Variants in BICC1 observed in about 807,000 individuals in gnomAD.
BICC1 encodes the protein protein bicaudal C homolog 1.
In BICC1, 43 loss-of-function variants were observed where a neutral mutation model predicts 111.0. The observed-to-expected ratio is 0.39, with a 90% CI of 0.30 to 0.50. The LOEUF is 0.50. Ranked by LOEUF, BICC1 falls within the 20% of genes least tolerant of loss-of-function variation. BICC1 has a pLI of 0.88. For missense variants in BICC1, 1,091 were observed against 1,203.2 expected (o/e 0.91, Z 1.38); for synonymous variants, 467 against 434.4 (o/e 1.07, Z -0.93).
At chr10:58,522,357 C>G (rs990125209) in intron 1 of BICC1, among the ~76,000 whole-genome samples, 4 of 152,132 alleles carry the variant, frequency 2.6e-5, no homozygotes, top group Non-Finnish European at 5.9e-5. Context: ...CAAACTGTCT[C>G]TCAGACCACA....
intron 2 of BICC1, among the ~76,000 whole-genome samples, chr10:58,643,110 A>G (rs1241184247): frequency 1.3e-5 from 2 of 152,144 alleles, no homozygotes; most frequent in African/African-American, 2.4e-5. Flanking sequence ...AAAATCTTGT[A>G]TTTTTTGGCT....
rs182962635 is a variant in BICC1, at chr10:58,791,681, G to A, written c.1047+1748G>A. Among the ~76,000 whole-genome samples, 438 of 152,110 alleles carry A rather than the reference G, an allele frequency of 2.9e-3. 2 individuals are homozygous for A. Among genetic ancestry groups the A allele is most frequent in the African/African-American group, 9.6e-3 (400 of 41,492 alleles). ...CTCAAACCGCGGAGGTGGAGGTTGC[G>A]GTGAGCCGAGATCGCGCCACTGCAC... On this transcript the variant is annotated intron_variant, in intron 8 of 20. Transcript: ENST00000373886.
At chr10:58,821,104 T>C (rs974416256) in intron 20 of BICC1, among the ~76,000 whole-genome samples, 19 of 152,136 alleles carry the variant, frequency 1.2e-4, no homozygotes, top group African/African-American at 4.1e-4. Flanking sequence ...GTGCCACTCA[T>C]TTGAAAGGAA....
Position 58,566,849 on chromosome 10 carries a change from T to G in BICC1, c.190+53516T>G, listed in dbSNP as rs117330845. Among the ~76,000 whole-genome samples the G allele has an allele frequency of 8.4e-3, 1,278 of 152,264 alleles. 5 individuals carry two copies. Among genetic ancestry groups the G allele is most frequent in the Middle Eastern group, 0.024 (7 of 294 alleles). ...TTGGAATGTGTGTGCATTCTTCTGT[T>G]ATTCACGATTTCAGCAAGCTTGCTT... is the stretch of plus-strand genomic sequence containing the variant. On this transcript the variant is annotated intron_variant, in intron 1 of 20. Transcript: ENST00000373886.
intron 2 of BICC1, among the ~76,000 whole-genome samples, chr10:58,668,725 A>G (rs1839092927): frequency 6.6e-6 from 1 of 152,054 alleles, no homozygotes; most frequent in African/African-American, 2.4e-5. Flanking sequence ...TTGCAAAGCC[A>G]GATTATTTTT....
intron 3 of BICC1, among the ~76,000 whole-genome samples, chr10:58,742,318 C>T (rs1403213337): frequency 1.3e-5 from 2 of 151,310 alleles, no homozygotes; most frequent in Non-Finnish European, 1.5e-5. Context: ...GCTCTTACGG[C>T]ATATTTTAAG....
intron 3 of BICC1, among the ~76,000 whole-genome samples, chr10:58,751,085 C>T (rs1242372012): frequency 6.6e-6 from 1 of 152,058 alleles, no homozygotes; most frequent in African/African-American, 2.4e-5. Context: ...ATGCACACAC[C>T]CAAATCAATA....
In BICC1 at chr10:58,589,749, A is replaced by G. The variant is rs911886777; in HGVS notation, c.191-31106A>G. Among the ~76,000 whole-genome samples, 5 of 152,138 alleles carry G rather than the reference A, an allele frequency of 3.3e-5. No individual in the cohort carries two copies. In the South Asian group the frequency reaches 6.2e-4, roughly 19 times the overall value. On this transcript the variant is annotated intron_variant, in intron 1 of 20. Coordinates refer to ENST00000373886, the MANE Select transcript of BICC1 (RefSeq NM_001080512.3). ...CCTCGGCTCCCAAAACAATAGGATT[A>G]CAGGCATGAGCCACTGTGCCCAGCC...
intron 14 of BICC1, 144 bp from the exon 15 acceptor site, chr10:58,802,933 A>G: frequency 1.3e-6 from 1 of 756,320 alleles, no homozygotes; most frequent in Non-Finnish European, 1.9e-6. Context: ...TACCTGTGTC[A>G]TAGCATTGTT....
chr10:58,571,650 C>A (rs1843955440), intron 1 of BICC1, among the ~76,000 whole-genome samples: 1 of 152,168 alleles, frequency 6.6e-6, no homozygotes, highest in East Asian at 1.9e-4. Context: ...CCATCCATGT[C>A]CTTGCAAAAG....
At chr10:58,625,996 T>C (rs981660629) in intron 2 of BICC1, among the ~76,000 whole-genome samples, 1 of 152,248 alleles carries the variant, frequency 6.6e-6, no homozygotes, top group Admixed American at 6.5e-5. Flanking sequence ...TTTCTAATAC[T>C]GAGTCTGTGC....
chr10:58,801,660 C>T (rs1229087227), intron 14 of BICC1, among the ~76,000 whole-genome samples: 12 of 151,918 alleles, frequency 7.9e-5, no homozygotes, highest in African/African-American at 1.9e-4. Context: ...CCACCTATTC[C>T]GTCCACCTGA....
At chr10:58,671,709 C>T (rs1177366438) in intron 2 of BICC1, among the ~76,000 whole-genome samples, 1 of 152,120 alleles carries the variant, frequency 6.6e-6, no homozygotes, top group African/African-American at 2.4e-5. Context: ...AGAATTGATA[C>T]TTCTTGAAAG....
chr10:58,585,760 C>A (rs965877450), intron 1 of BICC1, among the ~76,000 whole-genome samples: 2 of 152,060 alleles, frequency 1.3e-5, no homozygotes, highest in African/African-American at 4.8e-5. Flanking sequence ...GGTATAATTT[C>A]TTAATAATTA....
intron 10 of BICC1, among the ~76,000 whole-genome samples, chr10:58,796,878 G>T (rs1843371592): frequency 6.6e-6 from 1 of 151,018 alleles, no homozygotes; most frequent in African/African-American, 2.4e-5. Flanking sequence ...TCAGTCCCTA[G>T]AGATAAAGAT....
At chr10:58,629,351 T>C (rs1435716024) in intron 2 of BICC1, among the ~76,000 whole-genome samples, 1 of 152,088 alleles carries the variant, frequency 6.6e-6, no homozygotes, top group Non-Finnish European at 1.5e-5. Flanking sequence ...AGGTTGTTGG[T>C]GGCAGCCAGA....
chr10:58,708,412 G>A (rs1188252082), intron 3 of BICC1, among the ~76,000 whole-genome samples: 1 of 152,200 alleles, frequency 6.6e-6, no homozygotes, highest in East Asian at 1.9e-4. Context: ...AATTCCTGAG[G>A]TTCGTTGTCT....
At chr10:58,617,673 AC>A (rs554079982) in intron 1 of BICC1, among the ~76,000 whole-genome samples, 57 of 152,378 alleles carry the variant, frequency 3.7e-4, no homozygotes, top group Admixed American at 7.2e-4. Context: ...AGGTGGTGAC[AC>A]CTACGGTAAT....
chr10:58,657,400 A>C (rs1838693797), intron 2 of BICC1, among the ~76,000 whole-genome samples: 1 of 152,072 alleles, frequency 6.6e-6, no homozygotes, highest in Admixed American at 6.6e-5. Context: ...GTTCCTGAGG[A>C]ACGTGCACTA....
Sources: gnomAD v4.1 joint callset for allele counts (sites outside exome capture counted in the v4.1 genomes callset) on GRCh38, gnomAD v4.1.1 for gene constraint, MANE v1.5 for transcripts, NCBI Gene and HGNC (gene_info 2026-07-23, HGNC 2026-07-21) for gene names.